The following CTNS variants were observed in gnomAD, a reference collection of about 807,000 sequenced individuals.
CTNS encodes the protein cystinosin, lysosomal cystine transporter, also known as cystinosin.
Under a neutral mutation model 43.7 loss-of-function variants are expected in CTNS, and 27 were observed. That is an observed-to-expected ratio of 0.62 (90% CI 0.46 to 0.85). The LOEUF is 0.85. Ranked by LOEUF, CTNS falls within the 40% of genes least tolerant of loss-of-function variation. The probability of loss-of-function intolerance (pLI) is 0.00; values close to 1 mark genes in which losing one functional copy is unlikely to be tolerated. For synonymous variants in CTNS, 187 were observed against 190.6 expected (o/e 0.98, Z 0.16); for missense variants, 457 against 475.4 (o/e 0.96, Z 0.36).
In CTNS at chr17:3,639,057, G is replaced by A. The variant is rs933319096; in HGVS notation, c.-19-1131G>A. Among the ~76,000 whole-genome samples, 4 of 152,186 alleles carry A rather than the reference G, an allele frequency of 2.6e-5. No individual in the cohort carries two copies. The East Asian group carries it at 7.7e-4, about 29-fold the overall frequency. On this transcript the variant is annotated intron_variant, in intron 2 of 11. Transcript: ENST00000046640. ...TTCTTGAGGAGTGTGTAAGGGAGAT[G>A]TCCGGAGATGCTGGAGGCCTTGGGG...
At chr17:3,647,782 G>C (rs1398867559) in intron 4 of CTNS, among the ~76,000 whole-genome samples, 1 of 152,214 alleles carries the variant, frequency 6.6e-6, no homozygotes, top group African/African-American at 2.4e-5. Context: ...TCTTTTCCCC[G>C]CATGGGAAGA....
chr17:3,659,980 G>A lies in CTNS; in HGVS notation c.970+5G>A, dbSNP rs753451110. On this transcript the variant is annotated splice_donor_5th_base_variant and intron_variant, in intron 11 of 11. Coordinates refer to ENST00000046640, the MANE Select transcript of CTNS (RefSeq NM_004937.3). Reference sequence around the variant, plus strand: ...TCCTCCAGTCCTACAACAACGGTGAGTCAGCCAGCGGGCTGCTGGCCACCC... The same window carrying A: ...TCCTCCAGTCCTACAACAACGGTGAATCAGCCAGCGGGCTGCTGGCCACCC... The A allele has an allele frequency of 8.9e-5, 143 of 1,609,564 alleles. No homozygotes were observed. The highest frequency in any genetic ancestry group is 1.1e-4 in the Non-Finnish European group (134 of 1,176,756).
At position 3,662,569 on chromosome 17, in the gene CTNS, C is replaced by T. The variant is rs1044244725; in HGVS notation, c.*2200C>T. Among the ~76,000 whole-genome samples, 2 of 152,172 alleles carry T rather than the reference C, an allele frequency of 1.3e-5. No individual in the cohort carries two copies. Among genetic ancestry groups the T allele is most frequent in the Non-Finnish European group, 2.9e-5 (2 of 68,026 alleles). ...GCACCTCTGGGTGTCCCTACGGCCC[C>T]TCCCAGGTGGGAGCTGAGGCTAGGT... On this transcript the variant is annotated 3_prime_UTR_variant, in exon 12 of 12. Transcript: ENST00000046640.
intron 11 of CTNS, 31 bp from the exon 12 acceptor site, chr17:3,660,181 GCTGCCTCAGGAGCTGCCAACCTAA>G (rs2076252875): frequency 1.2e-6 from 2 of 1,612,592 alleles, no homozygotes; most frequent in South Asian, 2.2e-5. Context: ...ACAAGCTCCA[GCTGCCTCAGGAGCTGCCAACCTAA>G]CACCAGCTTC....
At chr17:3,651,752 C>T (rs1350847961) in intron 5 of CTNS, among the ~76,000 whole-genome samples, 1 of 151,864 alleles carries the variant, frequency 6.6e-6, no homozygotes, top group Non-Finnish European at 1.5e-5. Flanking sequence ...GTGGGCGGAT[C>T]ACCTGAGGTC....
chr17:3,645,663 C>T (rs1343100930), intron 3 of CTNS, among the ~76,000 whole-genome samples: 1 of 151,996 alleles, frequency 6.6e-6, no homozygotes, highest in Non-Finnish European at 1.5e-5. Context: ...AGTTCAAGAC[C>T]AGCCTGGCCA....
intron 3 of CTNS, among the ~76,000 whole-genome samples, chr17:3,643,605 C>T (rs1457948109): frequency 6.6e-6 from 1 of 151,994 alleles, no homozygotes; most frequent in African/African-American, 2.4e-5. Context: ...CACTCAGTTG[C>T]ACAGGCTGGA....
At chr17:3,636,620 G>C (rs1268919954), upstream of CTNS, 1 of 196,590 alleles carries the variant, frequency 5.1e-6, no homozygotes, top group African/African-American at 2.3e-5. Context: ...ACCCAGCTGC[G>C]CTCTGTCCGT....
chr17:3,645,426 G>A lies in CTNS; in HGVS notation c.62-2018G>A, dbSNP rs141558497. On this transcript the variant is annotated intron_variant, in intron 3 of 11. Coordinates refer to ENST00000046640, the MANE Select transcript of CTNS (RefSeq NM_004937.3). ...AGAAGGCAGCTCTCAGGGTCTGAGA[G>A]GCTCTGGGTAGCAGAGCCTGGCCTG... Among the ~76,000 whole-genome samples the A allele has an allele frequency of 2.1e-4, 32 of 152,300 alleles. 1 individual carries two copies. Among genetic ancestry groups the A allele is most frequent in the African/African-American group, 7.5e-4 (31 of 41,562 alleles).
Position 3,660,784 on chromosome 17 carries a change from C to T in CTNS, c.*415C>T. ...CACTTTGCTGCCACCGCTGCATTCCCAGAGATCAAGCAGCCCGGTGCCGTG... is the reference window on the plus strand; with the variant it reads ...CACTTTGCTGCCACCGCTGCATTCCTAGAGATCAAGCAGCCCGGTGCCGTG... On this transcript the variant is annotated 3_prime_UTR_variant, in exon 12 of 12. Coordinates refer to ENST00000046640, the MANE Select transcript of CTNS (RefSeq NM_004937.3). 1 of 1,612,052 alleles carries T rather than the reference C, an allele frequency of 6.2e-7. No homozygotes were observed. Among genetic ancestry groups the T allele is most frequent in the African/African-American group, 1.3e-5 (1 of 75,048 alleles).
At chr17:3,648,370 C>T (rs549172493) in intron 4 of CTNS, among the ~76,000 whole-genome samples, 32 of 152,338 alleles carry the variant, frequency 2.1e-4, no homozygotes, top group Non-Finnish European at 7.3e-5. Flanking sequence ...AAACCCAGGG[C>T]CAGGGCCCAG....
chr17:3,662,330 T>C lies in CTNS; in HGVS notation c.*1961T>C, dbSNP rs867365108. Among the ~76,000 whole-genome samples, 2 of 151,608 alleles carry C rather than the reference T, an allele frequency of 1.3e-5. No homozygotes were observed. Among genetic ancestry groups the C allele is most frequent in the Non-Finnish European group, 2.9e-5 (2 of 68,010 alleles). On this transcript the variant is annotated 3_prime_UTR_variant, in exon 12 of 12. Transcript: ENST00000046640. ...CCATCTCAAAAAAAAAAAAAAATTA[T>C]TGACTTTTCTTTAAAATCTGATTTG...
intron 4 of CTNS, among the ~76,000 whole-genome samples, chr17:3,647,933 G>A (rs2075883059): frequency 6.6e-6 from 1 of 152,208 alleles, no homozygotes; most frequent in African/African-American, 2.4e-5. Context: ...AAGCAGGAGT[G>A]GCCACGTCGG....
chr17:3,660,895 C>T lies in CTNS; in HGVS notation c.*526C>T, dbSNP rs563082754. 23 of 1,059,964 alleles carry T rather than the reference C, an allele frequency of 2.2e-5. No individual in the cohort carries two copies. In the East Asian group the frequency reaches 3.6e-4, roughly 17 times the overall value. 65.7% of individuals were successfully genotyped at this position (1,059,964 alleles called of 1,614,324 possible). On this transcript the variant is annotated 3_prime_UTR_variant, in exon 12 of 12. Transcript: ENST00000046640. ...CTTTCTCTGAAGGCCACTTTCCTGA[C>T]GTACTCTCTGTACATAACTCAGCGT...
At chr17:3,650,580 C>T (rs2075955337) in intron 5 of CTNS, 1 of 327,484 alleles carries the variant, frequency 3.1e-6, no homozygotes, top group Non-Finnish European at 5.7e-6. Context: ...TGAGAGGGAG[C>T]TCTCCCCGCT....
intron 10 of CTNS, among the ~76,000 whole-genome samples, chr17:3,659,121 G>A (rs964789812): frequency 6.6e-6 from 1 of 152,140 alleles, no homozygotes; most frequent in Non-Finnish European, 1.5e-5. Context: ...GGAAGAGGGT[G>A]AGCCGGGACA....
At position 3,647,556 on chromosome 17, in the gene CTNS, C is replaced by T. The variant is rs202205725; in HGVS notation, c.140+34C>T. ...CTGGGCCTGGCGCTGTGCTCAGCTC[C>T]GCTCAGGCCCCGCAGCTGGGTCAGG... On this transcript the variant is annotated intron_variant, in intron 4 of 11. Transcript: ENST00000046640. The T allele has an allele frequency of 1.0e-4, 161 of 1,597,708 alleles. 1 individual carries two copies. In the African/African-American group the frequency reaches 1.4e-3, roughly 14 times the overall value.
At chr17:3,659,168 C>T (rs2076226277) in intron 10 of CTNS, among the ~76,000 whole-genome samples, 1 of 144,286 alleles carries the variant, frequency 6.9e-6, no homozygotes, top group South Asian at 2.3e-4. Flanking sequence ...TGGGAGGCCA[C>T]CAGAGAGGCC....
chr17:3,656,954 C>T lies in CTNS; in HGVS notation c.681+159C>T, dbSNP rs547710556. The T allele has an allele frequency of 7.8e-5, 91 of 1,169,664 alleles. No homozygotes were observed. The Admixed American group carries it at 9.4e-4, about 12-fold the overall frequency. The allele number at this position is 1,169,664 out of a possible 1,614,324, so 72.5% of individuals were successfully genotyped here. A position where few individuals can be genotyped will look rare whatever the true frequency, so the allele number is the denominator to read the frequency against. On this transcript the variant is annotated intron_variant, in intron 9 of 11. Transcript: ENST00000046640. ...TAGAAGACACCCATGAGTCCAGGCC[C>T]TCAGAGCCCCCCAAGTCTGGGGTGA...
Sources: allele counts gnomAD v4.1 joint callset (sites outside exome capture counted in the v4.1 genomes callset), GRCh38; gene constraint gnomAD v4.1.1; transcripts MANE v1.5; gene names NCBI Gene and HGNC (gene_info 2026-07-23, HGNC 2026-07-21).